The following ZNF407 variants were observed in gnomAD, a reference collection of about 807,000 sequenced individuals.
The protein encoded by ZNF407 is zinc finger protein 407.
In ZNF407, 17 loss-of-function variants were observed where a neutral mutation model predicts 131.2. The ratio of observed to expected loss-of-function variants is 0.13; its 90% CI spans 0.09 to 0.19. The LOEUF (loss-of-function observed/expected upper bound fraction) is 0.19. Among genes scored for constraint, ZNF407 ranks in the 10% least tolerant of loss-of-function variants. The probability of loss-of-function intolerance (pLI) is 1.00; values close to 1 mark genes in which losing one functional copy is unlikely to be tolerated. For missense variants in ZNF407, 2,681 were observed against 2,830.6 expected (o/e 0.95, Z 1.20); for synonymous variants, 1,156 against 1,062.0 (o/e 1.09, Z -1.72).
rs557670806 is a variant in ZNF407, at chr18:74,635,561, G to C, written c.4542G>C (p.Arg1514=). Residue 1514 remains arginine (R), a synonymous_variant, in exon 2 of 9, where the codon CGG becomes CGC. Coordinates refer to ENST00000299687, the MANE Select transcript of ZNF407 (RefSeq NM_017757.3). The surrounding 1 kb of genome is among the most constrained non-coding windows in gnomAD (Gnocchi z 4.7). ...AAGGACAGCATGAGGAATTGCTGCG[G>C]GAGGTGAATAAGTATATAGTGGAAG... ...HIKGQHEELL[R]EVNKYIVEDT... 2 of 1,613,898 alleles carry C rather than the reference G, an allele frequency of 1.2e-6. No homozygotes were observed. Among genetic ancestry groups the C allele is most frequent in the Admixed American group, 3.3e-5 (2 of 60,000 alleles).
intron 5 of ZNF407, among the ~76,000 whole-genome samples, chr18:74,879,241 CAGAA>C (rs1568252422): frequency 6.6e-6 from 1 of 152,220 alleles, no homozygotes; most frequent in African/African-American, 2.4e-5. Context: ...TCATAAATGA[CAGAA>C]AGGAAGAATA....
chr18:74,623,463 G>A (rs933643916), intron 1 of ZNF407, among the ~76,000 whole-genome samples: 5 of 152,204 alleles, frequency 3.3e-5, no homozygotes, highest in African/African-American at 1.2e-4. Context: ...AGAGAAATGA[G>A]AGATTGAAAT....
intron 8 of ZNF407, among the ~76,000 whole-genome samples, chr18:75,040,065 A>G (rs1169361011): frequency 6.6e-6 from 1 of 152,160 alleles, no homozygotes; most frequent in Non-Finnish European, 1.5e-5. Flanking sequence ...TTAACTTCCT[A>G]TAAACAGAGG....
At chr18:74,884,909 A>C (rs1409140527) in intron 6 of ZNF407, among the ~76,000 whole-genome samples, 1 of 152,156 alleles carries the variant, frequency 6.6e-6, no homozygotes, top group Non-Finnish European at 1.5e-5. Flanking sequence ...CCCCACTTCA[A>C]ATATCAGCAG....
intron 8 of ZNF407, among the ~76,000 whole-genome samples, chr18:74,934,280 T>C (rs955141584): frequency 4.6e-5 from 7 of 152,242 alleles, no homozygotes; most frequent in South Asian, 2.1e-4. Flanking sequence ...TAATCACTAT[T>C]GTATGGAATA....
intron 8 of ZNF407, among the ~76,000 whole-genome samples, chr18:75,034,300 G>GTTTTTT (rs71170337): frequency 3.5e-5 from 4 of 115,218 alleles, no homozygotes; most frequent in South Asian, 3.1e-4. Flanking sequence ...TCTGTGTTGG[G>GTTTTTT]TTTTTTTTTT....
chr18:75,060,657 C>T (rs1191049200), intron 8 of ZNF407, among the ~76,000 whole-genome samples: 4 of 152,028 alleles, frequency 2.6e-5, no homozygotes, highest in Admixed American at 6.5e-5. Context: ...AGGCACCCGC[C>T]ACCGCGCCCG....
intron 8 of ZNF407, among the ~76,000 whole-genome samples, chr18:75,040,307 C>G (rs1191688610): frequency 6.6e-6 from 1 of 152,072 alleles, no homozygotes; most frequent in East Asian, 1.9e-4. Flanking sequence ...ATATTAGATA[C>G]TGGATATTGA....
At chr18:74,937,897 A>G (rs951180105) in intron 8 of ZNF407, among the ~76,000 whole-genome samples, 1 of 152,194 alleles carries the variant, frequency 6.6e-6, no homozygotes, top group African/African-American at 2.4e-5. Flanking sequence ...GCTCCTAAAT[A>G]TATACCATGG....
rs200611763 is a variant in ZNF407 at position 74,816,094 on chromosome 18, G to A, written c.4877+34592G>A. Among the ~76,000 whole-genome samples, 41 of 152,256 alleles carry A rather than the reference G, an allele frequency of 2.7e-4. No individual in the cohort carries two copies. In the East Asian group the frequency reaches 7.5e-3, roughly 28 times the overall value. ...ATGACTGAATGTACAGGATACTCTCGTATGAAGGGACAATCATGAATTTGT... is the reference window on the plus strand; with the variant it reads ...ATGACTGAATGTACAGGATACTCTCATATGAAGGGACAATCATGAATTTGT... On this transcript the variant is annotated intron_variant, in intron 4 of 8. Transcript: ENST00000299687.
chr18:75,041,447 ACTCT>A (rs954738346), intron 8 of ZNF407, among the ~76,000 whole-genome samples: 34 of 151,642 alleles, frequency 2.2e-4, no homozygotes, highest in African/African-American at 2.9e-4. Flanking sequence ...TCACACACAC[ACTCT>A]CTCTCTCACA....
chr18:74,761,088 C>T (rs978072678), intron 3 of ZNF407, among the ~76,000 whole-genome samples: 2 of 152,052 alleles, frequency 1.3e-5, no homozygotes, highest in Non-Finnish European at 2.9e-5. Flanking sequence ...ATAGTACTGC[C>T]AACCTTTTAT....
Position 74,633,424 on chromosome 18 carries a change from G to T in ZNF407, c.2405G>T (p.Gly802Val), listed in dbSNP as rs370360193. 155 of 1,613,876 alleles carry T rather than the reference G, an allele frequency of 9.6e-5. No homozygotes were observed. Among genetic ancestry groups the T allele is most frequent in the Non-Finnish European group, 1.2e-4 (147 of 1,179,904 alleles). ...AATGGAAGGATTGAAGGCCATATAGGTGTGCAATTACAAGAGCATTCCTAT... is the reference window on the plus strand; with the variant it reads ...AATGGAAGGATTGAAGGCCATATAGTTGTGCAATTACAAGAGCATTCCTAT... ...SGNGRIEGHI[G>V]VQLQEHSYLE... Residue 802 changes from glycine to valine, a missense_variant, in exon 2 of 9, where the codon GGT (glycine) becomes GTT (valine). Gly to Val is a moderately radical substitution (Grantham distance 109, BLOSUM62 -3). Around this residue, in one of 6 missense-constraint regions of ZNF407, gnomAD observed 1,789 missense variants for 1,748.7 expected, o/e 1.02. Transcript: ENST00000299687.
Position 74,794,266 on chromosome 18 carries a change from C to T in ZNF407, c.4877+12764C>T, listed in dbSNP as rs927479653. Among the ~76,000 whole-genome samples the T allele has an allele frequency of 4.6e-5, 7 of 152,232 alleles. No homozygotes were observed. In the East Asian group the frequency reaches 5.8e-4, roughly 13 times the overall value. On this transcript the variant is annotated intron_variant, in intron 4 of 8. Coordinates refer to ENST00000299687, the MANE Select transcript of ZNF407 (RefSeq NM_017757.3). ...CAACTCCATCATCTGCCATTGTCTT[C>T]GTTTTGGTGCCTTAGGTTGATGTTA...
intron 3 of ZNF407, among the ~76,000 whole-genome samples, chr18:74,714,106 C>G (rs1967834738): frequency 6.6e-6 from 1 of 152,166 alleles, no homozygotes; most frequent in Non-Finnish European, 1.5e-5. Flanking sequence ...CTTATATCAA[C>G]TGAAGCTTTT....
intron 7 of ZNF407, among the ~76,000 whole-genome samples, chr18:74,918,062 T>C (rs1257626118): frequency 6.6e-6 from 1 of 152,204 alleles, no homozygotes; most frequent in Non-Finnish European, 1.5e-5. Context: ...AATTGTTCCT[T>C]TTCCTTTTAA....
chr18:74,659,882 C>T (rs1985637997), intron 3 of ZNF407, among the ~76,000 whole-genome samples: 1 of 152,114 alleles, frequency 6.6e-6, no homozygotes, highest in African/African-American at 2.4e-5. Flanking sequence ...TGGTAGTATA[C>T]AGAAAATGAC....
chr18:74,713,837 A>T (rs1967828219), intron 3 of ZNF407, among the ~76,000 whole-genome samples: 1 of 152,218 alleles, frequency 6.6e-6, no homozygotes, highest in Non-Finnish European at 1.5e-5. Flanking sequence ...TATGTGCAAT[A>T]GCCCTTTCTT....
At chr18:74,711,620 A>T (rs1326167086) in intron 3 of ZNF407, among the ~76,000 whole-genome samples, 2 of 152,228 alleles carry the variant, frequency 1.3e-5, no homozygotes, top group South Asian at 4.1e-4. Context: ...GGTCTGTAAG[A>T]TAATAAATAT....
Sources: gnomAD v4.1 joint callset for allele counts (sites outside exome capture counted in the v4.1 genomes callset) on GRCh38, gnomAD v4.1.1 for gene constraint, gnomAD v4.1.1 regional missense constraint, Gnocchi (gnomAD v3.1) non-coding constraint, MANE v1.5 for transcripts, NCBI Gene and HGNC (gene_info 2026-07-23, HGNC 2026-07-21) for gene names.